Variants in EDARADD observed in about 807,000 individuals in gnomAD.
The protein encoded by EDARADD is ectodysplasin-A receptor-associated adapter protein.
EDARADD carries 20 observed loss-of-function variants against 25.6 expected under a neutral mutation model. That is an observed-to-expected ratio of 0.78 (90% CI 0.55 to 1.14). The LOEUF (loss-of-function observed/expected upper bound fraction) is 1.14, where lower values mean the gene tolerates loss of function less well. Among genes scored for constraint, EDARADD ranks in the 50% most tolerant of loss-of-function variants. The probability of loss-of-function intolerance (pLI) is 0.00; values close to 1 mark genes in which losing one functional copy is unlikely to be tolerated. For missense variants in EDARADD, 225 were observed against 270.1 expected, an observed-to-expected ratio of 0.83 and a Z score of 1.17; for synonymous variants, 86 against 94.4, an observed-to-expected ratio of 0.91 and a Z score of 0.52.
At chr1:236,404,159 C>A (rs1305856411) in intron 1 of EDARADD, among the ~76,000 whole-genome samples, 5 of 152,198 alleles carry the variant, frequency 3.3e-5, no homozygotes, top group African/African-American at 7.2e-5. Context: ...GATATCAGAG[C>A]CTTGCCTGAA....
In EDARADD at chr1:236,395,561, C is replaced by T; in HGVS notation, c.61+1056C>T. ...GCAGGACTTTTCATCCCCGTGGTCC[C>T]ACGGTCCTCCCGCGCCCCGGAGGCC... On this transcript the variant is annotated intron_variant, in intron 1 of 5. Coordinates refer to ENST00000334232, the MANE Select transcript of EDARADD (RefSeq NM_145861.4). The surrounding 1 kb of genome is among the most constrained non-coding windows in gnomAD (Gnocchi z 6.9). 6.5e-7 allele frequency: 1 copy of T among 1,542,206 alleles called. No homozygotes were observed. Among genetic ancestry groups the T allele is most frequent in the East Asian group, 2.4e-5 (1 of 40,956 alleles).
chr1:236,464,758 C>G (rs1430454664), intron 4 of EDARADD, among the ~76,000 whole-genome samples: 1 of 151,998 alleles, frequency 6.6e-6, no homozygotes, highest in Non-Finnish European at 1.5e-5. Context: ...TGACACTGCT[C>G]CCCCTGCTTT....
At chr1:236,411,536 CTCT>C (rs780266575) in intron 2 of EDARADD, among the ~76,000 whole-genome samples, 73 of 150,534 alleles carry the variant, frequency 4.8e-4, no homozygotes, top group Middle Eastern at 3.4e-3. Flanking sequence ...CTTCTTCTTC[CTCT>C]TCTTCTTCTT....
intron 4 of EDARADD, among the ~76,000 whole-genome samples, chr1:236,464,692 C>T (rs1659140405): frequency 6.6e-6 from 1 of 152,046 alleles, no homozygotes; most frequent in South Asian, 2.1e-4. Context: ...CTCGGCCTCC[C>T]AAAATGCTGG....
chr1:236,367,105 T>G (rs1307847159), intron 3 of EDARADD, among the ~76,000 whole-genome samples: 9 of 116,806 alleles, frequency 7.7e-5, no homozygotes, highest in African/African-American at 2.4e-4. Context: ...AAAAAAAAAG[T>G]AGAGTGTCTT....
At chr1:236,384,124 T>C (rs1211459886) in intron 3 of EDARADD, among the ~76,000 whole-genome samples, 2 of 152,226 alleles carry the variant, frequency 1.3e-5, no homozygotes, top group African/African-American at 4.8e-5. Flanking sequence ...AATGCTTATG[T>C]CATTTCCAAT....
chr1:236,365,908 A>G (rs1201771983), intron 3 of EDARADD, among the ~76,000 whole-genome samples: 7 of 152,140 alleles, frequency 4.6e-5, no homozygotes, highest in Non-Finnish European at 7.3e-5. Context: ...CTTTAATTCC[A>G]TCCAGTGTAT....
chr1:236,359,118 C>T (rs1667016347), intron 3 of EDARADD, among the ~76,000 whole-genome samples: 1 of 152,134 alleles, frequency 6.6e-6, no homozygotes, highest in Admixed American at 6.6e-5. Context: ...TCTTCAAATT[C>T]TCCACATCTT....
intron 5 of EDARADD, among the ~76,000 whole-genome samples, chr1:236,479,108 C>T (rs1402698028): frequency 6.6e-6 from 1 of 152,002 alleles, no homozygotes. Context: ...TCATAAATCA[C>T]CACTAATGAA....
intron 1 of EDARADD, among the ~76,000 whole-genome samples, chr1:236,406,029 T>C (rs1273254091): frequency 1.3e-5 from 2 of 150,894 alleles, no homozygotes; most frequent in African/African-American, 4.9e-5. Flanking sequence ...TGTCAGAGCA[T>C]TTAAAGCCCC....
chr1:236,400,238 C>G (rs1413079492), intron 1 of EDARADD, among the ~76,000 whole-genome samples: 1 of 152,148 alleles, frequency 6.6e-6, no homozygotes, highest in Non-Finnish European at 1.5e-5. Context: ...TTTCCCTGAG[C>G]TTTATCTCTT....
At chr1:236,412,079 C>T (rs1260220296) in intron 2 of EDARADD, among the ~76,000 whole-genome samples, 2 of 152,158 alleles carry the variant, frequency 1.3e-5, no homozygotes, top group Non-Finnish European at 2.9e-5. Flanking sequence ...TGAGGTCCTC[C>T]ATGGCCTTAC....
chr1:236,444,698 A>G (rs1658485182), intron 4 of EDARADD, among the ~76,000 whole-genome samples: 1 of 152,192 alleles, frequency 6.6e-6, no homozygotes, highest in African/African-American at 2.4e-5. Flanking sequence ...TGCTGGGATT[A>G]TAGGCGTGAG....
intron 1 of EDARADD, among the ~76,000 whole-genome samples, chr1:236,399,794 G>A (rs761357659): frequency 5.3e-5 from 8 of 152,230 alleles, no homozygotes; most frequent in East Asian, 3.8e-4. Flanking sequence ...AAGTGCCGAC[G>A]GCCACAGAGC....
intron 4 of EDARADD, among the ~76,000 whole-genome samples, chr1:236,441,309 T>C (rs1385836880): frequency 6.9e-6 from 1 of 144,608 alleles, no homozygotes; most frequent in Non-Finnish European, 1.5e-5. Flanking sequence ...ATGTCATATA[T>C]AAATATATAT....
chr1:236,465,536 G>T (rs866370783), intron 4 of EDARADD, among the ~76,000 whole-genome samples: 2 of 152,056 alleles, frequency 1.3e-5, no homozygotes, highest in African/African-American at 4.8e-5. Context: ...CCAAGAAACT[G>T]CCTCTGATTT....
chr1:236,400,618 G>A (rs867618949), intron 1 of EDARADD, among the ~76,000 whole-genome samples: 7 of 151,650 alleles, frequency 4.6e-5, no homozygotes, highest in African/African-American at 1.7e-4. Context: ...GCAATGACAC[G>A]ATCTTGGCTC....
Position 236,482,860 on chromosome 1 carries a change from C to A in EDARADD, c.*211C>A. The A allele has an allele frequency of 1.5e-6, 1 of 675,652 alleles. No homozygotes were observed. The highest frequency in any genetic ancestry group is 2.5e-6 in the Non-Finnish European group (1 of 406,016). The allele number at this position is 675,652 out of a possible 1,614,324, so 41.9% of individuals were successfully genotyped here. On this transcript the variant is annotated 3_prime_UTR_variant, in exon 6 of 6. Coordinates refer to ENST00000334232, the MANE Select transcript of EDARADD (RefSeq NM_145861.4). ...TGCACATCTGTTATAATTTAATATTCAAATCTGGAATTAAGAAAACATATT... is the reference window on the plus strand; with the variant it reads ...TGCACATCTGTTATAATTTAATATTAAAATCTGGAATTAAGAAAACATATT...
chr1:236,412,044 A>C (rs1459779761), intron 2 of EDARADD, among the ~76,000 whole-genome samples: 1 of 152,188 alleles, frequency 6.6e-6, no homozygotes. Flanking sequence ...TACAGGATTT[A>C]GTATATACCC....
Sources: gnomAD v4.1 joint callset for allele counts (sites outside exome capture counted in the v4.1 genomes callset) on GRCh38, gnomAD v4.1.1 for gene constraint, Gnocchi (gnomAD v3.1) non-coding constraint, MANE v1.5 for transcripts, NCBI Gene and HGNC (gene_info 2026-07-23, HGNC 2026-07-21) for gene names.